BTN3A2: variants seen among roughly 807,000 people sequenced by gnomAD.
BTN3A2 encodes the protein butyrophilin protein.
In BTN3A2, 25 loss-of-function variants were observed where a neutral mutation model predicts 37.6. The ratio of observed to expected loss-of-function variants is 0.66; its 90% CI spans 0.48 to 0.93. The LOEUF is 0.93. Ranked by LOEUF, BTN3A2 falls within the 40% of genes least tolerant of loss-of-function variation. BTN3A2 has a pLI of 0.00. For synonymous variants in BTN3A2, 122 were observed against 159.4 expected (o/e 0.77, Z 1.77); for missense variants, 266 against 410.9 (o/e 0.65, Z 3.05).
At chr6:26,374,527 C>T (rs1322505765) in intron 9 of BTN3A2, 154 bp downstream of exon 9, 1 of 908,496 alleles carries the variant, frequency 1.1e-6, no homozygotes, top group East Asian at 2.6e-5. Context: ...CTGAGAAACT[C>T]CTGATCCTGC....
At chr6:26,375,416 C>T in intron 10 of BTN3A2, 1 of 458,494 alleles carries the variant, frequency 2.2e-6, no homozygotes. Context: ...GAAGAGTCCT[C>T]GGGCCTTGTT....
At chr6:26,365,790 G>A (rs1342129327) in intron 1 of BTN3A2, among the ~76,000 whole-genome samples, 1 of 152,124 alleles carries the variant, frequency 6.6e-6, no homozygotes, top group Non-Finnish European at 1.5e-5. Flanking sequence ...AAAAAGAGAT[G>A]TGCCTCATAG....
chr6:26,370,116 G>T (rs1759949848), intron 4 of BTN3A2, among the ~76,000 whole-genome samples: 1 of 152,176 alleles, frequency 6.6e-6, no homozygotes. Flanking sequence ...GGTAATTGGG[G>T]TGGGTGGGAA....
chr6:26,377,328 T>A lies in BTN3A2; in HGVS notation c.*1566T>A, dbSNP rs916445335. 1.0e-5 allele frequency: 7 copies of A among 673,932 alleles called. No individual in the cohort carries two copies. The highest frequency in any genetic ancestry group is 8.9e-5 in the African/African-American group (5 of 56,182). 41.7% of individuals were successfully genotyped at this position (673,932 alleles called of 1,614,324 possible). A position where few individuals can be genotyped will look rare whatever the true frequency, so the allele number is the denominator to read the frequency against. ...TACTGATATTCATTCAATTATTCCA[T>A]AGGACAGTTGTTTGAGTTTGGTGCC... On this transcript the variant is annotated 3_prime_UTR_variant, in exon 11 of 11. Transcript: ENST00000377708.
chr6:26,367,472 A>G (rs923982060), intron 1 of BTN3A2, among the ~76,000 whole-genome samples: 2 of 152,228 alleles, frequency 1.3e-5, no homozygotes, highest in African/African-American at 2.4e-5. Context: ...GAGATCATCA[A>G]GCTTGTGACT....
intron 10 of BTN3A2, chr6:26,375,282 G>C (rs1451081780): frequency 1.8e-5 from 5 of 278,104 alleles, no homozygotes; most frequent in Non-Finnish European, 2.7e-5. Context: ...ACAAGGAAAA[G>C]TGCAGTGCCC....
Position 26,374,328 on chromosome 6 carries a change from T to C in BTN3A2, c.966T>C (p.Arg322=). 1.3e-6 allele frequency: 2 copies of C among 1,598,522 alleles called. No homozygotes were observed. Among genetic ancestry groups the C allele is most frequent in the Non-Finnish European group, 1.7e-6 (2 of 1,175,000 alleles). Reference sequence around the variant, plus strand: ...ACCTCTACCTTTCTTTCATTGTAGGTGGAGAGGAGTCTTCGTCCGATACCA... The same window carrying C: ...ACCTCTACCTTTCTTTCATTGTAGGCGGAGAGGAGTCTTCGTCCGATACCA... The part of the protein sequence containing the change: ...LKRKKIQYLT[R]GEESSSDTNK... Residue 322 remains arginine (R), a splice_region_variant and synonymous_variant, in exon 9 of 11, where the codon CGT becomes CGC. Transcript: ENST00000377708.
chr6:26,374,095 C>T (rs1442575428), intron 8 of BTN3A2: 8 of 478,560 alleles, frequency 1.7e-5, no homozygotes, highest in East Asian at 7.4e-5. Flanking sequence ...TCTCACAGTG[C>T]CTGCCCTGCC....
intron 5 of BTN3A2, among the ~76,000 whole-genome samples, chr6:26,372,161 T>C (rs1046545611): frequency 3.9e-5 from 6 of 152,194 alleles, no homozygotes; most frequent in Non-Finnish European, 8.8e-5. Context: ...AAAAGCAAGA[T>C]GCAGAGGGAC....
At chr6:26,374,415 T>C in intron 9 of BTN3A2, 42 bp downstream of exon 9, 1 of 1,574,492 alleles carries the variant, frequency 6.4e-7, no homozygotes, top group Non-Finnish European at 8.7e-7. Flanking sequence ...TTCAACTTTT[T>C]CTCCACTGTG....
intron 8 of BTN3A2, 117 bp downstream of exon 8, chr6:26,373,530 C>A: frequency 1.7e-6 from 2 of 1,159,470 alleles, no homozygotes; most frequent in Non-Finnish European, 1.2e-6. Context: ...TCCCTTTACC[C>A]AGAAAAAGAA....
chr6:26,375,889 C>T lies in BTN3A2; in HGVS notation c.*127C>T, dbSNP rs988695237. 137 of 1,531,310 alleles carry T rather than the reference C, an allele frequency of 8.9e-5. 1 individual carries two copies. Among genetic ancestry groups the T allele is most frequent in the South Asian group, 3.7e-4 (31 of 83,492 alleles). 94.9% of individuals were successfully genotyped at this position (1,531,310 alleles called of 1,614,324 possible). On this transcript the variant is annotated 3_prime_UTR_variant, in exon 11 of 11. Coordinates refer to ENST00000377708, the MANE Select transcript of BTN3A2 (RefSeq NM_007047.5). Reference sequence around the variant, plus strand: ...AGAAAAGGGGAACTCATTTAGCTCACGAGTGGTCGAGTGAAGATTGAAAAT... The same window carrying T: ...AGAAAAGGGGAACTCATTTAGCTCATGAGTGGTCGAGTGAAGATTGAAAAT...
chr6:26,371,958 C>T (rs572836471), intron 5 of BTN3A2, among the ~76,000 whole-genome samples: 11 of 152,154 alleles, frequency 7.2e-5, no homozygotes, highest in Admixed American at 5.2e-4. Context: ...GGATTACAGG[C>T]GTGAGCCACT....
chr6:26,374,832 A>G, intron 10 of BTN3A2, 34 bp downstream of exon 10: 2 of 1,499,428 alleles, frequency 1.3e-6, no homozygotes, highest in Non-Finnish European at 1.8e-6. Context: ...CTGGACCAAC[A>G]ACCTGAGGGA....
Position 26,376,518 on chromosome 6 carries a change from C to G in BTN3A2, c.*756C>G. 7.6e-7 allele frequency: 1 copy of G among 1,312,132 alleles called. No homozygotes were observed. Among genetic ancestry groups the G allele is most frequent in the South Asian group, 1.5e-5 (1 of 68,752 alleles). The allele number at this position is 1,312,132 out of a possible 1,614,324, so 81.3% of individuals were successfully genotyped here. On this transcript the variant is annotated 3_prime_UTR_variant, in exon 11 of 11. Transcript: ENST00000377708. ...GGCCCAAGCCTTGCATGCTGTGGCT[C>G]TTAAATCCAGGAAAAATGGCTGACC...
intron 5 of BTN3A2, among the ~76,000 whole-genome samples, chr6:26,371,858 T>C (rs757326151): frequency 6.6e-6 from 1 of 152,178 alleles, no homozygotes; most frequent in Non-Finnish European, 1.5e-5. Context: ...TTTGTATTTT[T>C]AGTAGAGACA....
chr6:26,373,404 T>C lies in BTN3A2; in HGVS notation c.955T>C (p.Tyr319His). 6.2e-7 allele frequency: 1 copy of C among 1,602,134 alleles called. No homozygotes were observed. Among genetic ancestry groups the C allele is most frequent in the Non-Finnish European group, 8.5e-7 (1 of 1,176,870 alleles). ...CATTGCAGAGAGGAAAAAAATCCAG[T>C]ACTTGACTCGTGAGTGGCTTTGACA... ...QEELKRKKIQ[Y>H]LTRGEESSSD... is the part of the protein sequence containing the mutation. The change falls in exon 8 of 11, where the codon TAC (tyrosine) becomes CAC (histidine). Residue 319 changes from tyrosine (Y) to histidine (H), a missense_variant. By Grantham distance (83) the Tyr-to-His change is moderately conservative. This residue lies in a region of BTN3A2 where 204 missense variants were observed against 232.6 expected (regional missense o/e 0.88). Transcript: ENST00000377708.
At chr6:26,365,692 G>GCAAA (rs762610350) in intron 1 of BTN3A2, among the ~76,000 whole-genome samples, 5 of 151,908 alleles carry the variant, frequency 3.3e-5, no homozygotes, top group South Asian at 4.2e-4. Context: ...TCAGAAAAGG[G>GCAAA]CAAACAAACA....
chr6:26,375,258 G>T, intron 10 of BTN3A2: 1 of 255,756 alleles, frequency 3.9e-6, no homozygotes, highest in Non-Finnish European at 7.4e-6. Flanking sequence ...AGAAAGAAGG[G>T]TTAAGGGAAA....
Sources: gnomAD v4.1 joint callset for allele counts (sites outside exome capture counted in the v4.1 genomes callset) on GRCh38, gnomAD v4.1.1 for gene constraint, gnomAD v4.1.1 regional missense constraint, MANE v1.5 for transcripts, NCBI Gene and HGNC (gene_info 2026-07-23, HGNC 2026-07-21) for gene names.